Variants in IARS2 observed in about 807,000 individuals in gnomAD.
The protein encoded by IARS2 is isoleucine--tRNA ligase, mitochondrial.
In IARS2, 56 loss-of-function variants were observed where a neutral mutation model predicts 126.3. The observed-to-expected ratio is 0.44, with a 90% CI of 0.36 to 0.55. The LOEUF (loss-of-function observed/expected upper bound fraction) is 0.55. Ranked by LOEUF, IARS2 falls within the 20% of genes least tolerant of loss-of-function variation. IARS2 has a pLI of 0.00. For missense variants in IARS2, 1,127 were observed against 1,245.9 expected (o/e 0.90, Z 1.44); for synonymous variants, 407 against 441.1 (o/e 0.92, Z 0.97).
chr1:220,131,717 C>T (rs557964667), intron 14 of IARS2, among the ~76,000 whole-genome samples: 11 of 152,034 alleles, frequency 7.2e-5, no homozygotes, highest in Admixed American at 7.2e-4. Flanking sequence ...AACTCCTGAC[C>T]TCAAGGGATC....
intron 14 of IARS2, among the ~76,000 whole-genome samples, chr1:220,131,539 C>T (rs943175382): frequency 5.9e-5 from 9 of 152,002 alleles, no homozygotes; most frequent in East Asian, 3.9e-4. Flanking sequence ...TTAGTAGAGA[C>T]GGGGTTTCTC....
chr1:220,110,361 A>G (rs1422000237), intron 10 of IARS2, among the ~76,000 whole-genome samples: 1 of 147,802 alleles, frequency 6.8e-6, no homozygotes, highest in East Asian at 2.1e-4. Context: ...CGCCCAGCCA[A>G]GTTGACTACT....
intron 1 of IARS2, 114 bp from the exon 2 acceptor site, chr1:220,095,990 A>G (rs1413263116): frequency 4.8e-6 from 3 of 626,580 alleles, no homozygotes. Flanking sequence ...TTGGAATGGA[A>G]TAGATTGGAA....
rs758873067 is a variant in IARS2, at chr1:220,137,989, C to T, written c.2121C>T (p.Thr707=). 25 of 1,614,016 alleles carry T rather than the reference C, an allele frequency of 1.5e-5. No individual in the cohort carries two copies. The highest frequency in any genetic ancestry group is 4.5e-5 in the East Asian group (2 of 44,882). Residue 707 remains threonine, a synonymous_variant, in exon 17 of 23, where the codon ACC becomes ACT. Transcript: ENST00000366922. ...RWWVADSNVF[T]EVAIGPSVLN... ...GGGTAGCTGATTCCAATGTCTTCAC[C>T]GAAGTTGCAATTGGCCCATCCGTGC... is the stretch of plus-strand genomic sequence containing the variant.
chr1:220,114,606 G>T, intron 12 of IARS2, 132 bp downstream of exon 12: 1 of 635,640 alleles, frequency 1.6e-6, no homozygotes, highest in Non-Finnish European at 2.7e-6. Context: ...TCTTTTGGGG[G>T]ACTAAAATAT....
intron 12 of IARS2, among the ~76,000 whole-genome samples, chr1:220,118,514 G>A (rs1656973864): frequency 6.6e-6 from 1 of 151,934 alleles, no homozygotes; most frequent in African/African-American, 2.4e-5. Context: ...TTAGAATTTG[G>A]GTTGAAATCT....
At chr1:220,102,071 A>T in intron 3 of IARS2, 58 bp from the exon 4 acceptor site, 1 of 1,485,414 alleles carries the variant, frequency 6.7e-7, no homozygotes, top group South Asian at 1.2e-5. Flanking sequence ...ATGCTAAACC[A>T]TGTTTAAGAA....
rs1251807135 is a variant in IARS2, at chr1:220,094,234, C to T, written c.18C>T (p.Arg6=). 3.1e-6 allele frequency: 5 copies of T among 1,591,202 alleles called. No individual in the cohort carries two copies. The South Asian group carries it at 3.4e-5, about 11-fold the overall frequency. MRWGL[R]PRGPGAAALA... The stretch of plus-strand genomic sequence containing the variant: ...GCCGGACCATGCGTTGGGGGCTGCG[C>T]CCTCGCGGGCCGGGCGCGGCCGCCC... Residue 6 remains arginine (R), a synonymous_variant, in exon 1 of 23, where the codon CGC becomes CGT. Transcript: ENST00000366922.
intron 12 of IARS2, among the ~76,000 whole-genome samples, chr1:220,115,399 GA>G (rs1656894400): frequency 6.7e-6 from 1 of 149,972 alleles, no homozygotes; most frequent in Non-Finnish European, 1.5e-5. Flanking sequence ...CATCTCTACC[GA>G]AAATACAAAA....
In IARS2 at chr1:220,114,440, C is replaced by T; in HGVS notation, c.1606C>T (p.His536Tyr). ...TTGGGGTGTTCCAATTCCTGTGTTT[C>T]ATCATAAGACCAAGGATGAATACTT... ...RVWGVPIPVF[H>Y]HKTKDEYLIN... Residue 536 changes from histidine (H) to tyrosine (Y), a missense_variant, in exon 12 of 23, where the codon CAT becomes TAT. Transcript: ENST00000366922. The T allele has an allele frequency of 6.2e-7, 1 of 1,613,882 alleles. No homozygotes were observed. Among genetic ancestry groups the T allele is most frequent in the Non-Finnish European group, 8.5e-7 (1 of 1,179,878 alleles).
At position 220,094,292 on chromosome 1, in the gene IARS2, C is replaced by A. The variant is rs765440717; in HGVS notation, c.76C>A (p.Arg26Ser). 1.2e-6 allele frequency: 2 copies of A among 1,611,294 alleles called. No individual in the cohort carries two copies. The highest frequency in any genetic ancestry group is 4.5e-5 in the East Asian group (2 of 44,800). Residue 26 changes from arginine to serine, a missense_variant, in exon 1 of 23, where the codon CGC (arginine) becomes AGC (serine). Arg to Ser is a moderately radical substitution (Grantham distance 110). Coordinates refer to ENST00000366922, the MANE Select transcript of IARS2 (RefSeq NM_018060.4). ...ATARSLWGTP[R>S]LPCSPGWQGA... ...TGCCCGAAGTTTGTGGGGGACGCCC[C>A]GCCTTCCCTGCAGCCCGGGATGGCA...
At chr1:220,123,235 TAC>T (rs1480854868) in intron 12 of IARS2, among the ~76,000 whole-genome samples, 3 of 152,124 alleles carry the variant, frequency 2.0e-5, no homozygotes, top group Non-Finnish European at 4.4e-5. Flanking sequence ...AGGTAGTTAT[TAC>T]ATAAGGTTTT....
chr1:220,100,357 TA>T (rs1356212563), intron 2 of IARS2, 132 bp from the exon 3 acceptor site: 27 of 724,718 alleles, frequency 3.7e-5, no homozygotes, highest in East Asian at 5.8e-5. Context: ...GTATTAAGTT[TA>T]AAAAAAAGAA....
At chr1:220,108,507 T>G (rs929924420) in intron 10 of IARS2, among the ~76,000 whole-genome samples, 1 of 151,754 alleles carries the variant, frequency 6.6e-6, no homozygotes, top group Non-Finnish European at 1.5e-5. Context: ...TGCCTCAGTC[T>G]CTCGAGTAGC....
chr1:220,123,876 G>A (rs1287511600), intron 12 of IARS2, among the ~76,000 whole-genome samples: 2 of 152,170 alleles, frequency 1.3e-5, no homozygotes, highest in Admixed American at 6.5e-5. Context: ...CAGACCTGAC[G>A]TCAAATAATC....
chr1:220,136,634 CAAAA>C (rs775927970), intron 15 of IARS2, among the ~76,000 whole-genome samples, 171 bp from the exon 16 acceptor site: 1 of 63,122 alleles, frequency 1.6e-5, no homozygotes, highest in Non-Finnish European at 3.2e-5. Context: ...GACTCCATCT[CAAAA>C]AAAAAAAAAA....
chr1:220,103,320 T>G, intron 7 of IARS2, 127 bp from the exon 8 acceptor site: 2 of 607,110 alleles, frequency 3.3e-6, no homozygotes, highest in Non-Finnish European at 5.8e-6. Flanking sequence ...AGTGCTGGGA[T>G]TATAGACATG....
At chr1:220,141,526 A>G (rs1331781551) in intron 19 of IARS2, among the ~76,000 whole-genome samples, 3 of 152,190 alleles carry the variant, frequency 2.0e-5, no homozygotes, top group Non-Finnish European at 4.4e-5. Flanking sequence ...AATACCATCA[A>G]CTAACTTATT....
chr1:220,119,112 T>A (rs1571854123), intron 12 of IARS2, among the ~76,000 whole-genome samples: 1 of 152,252 alleles, frequency 6.6e-6, no homozygotes, highest in South Asian at 2.1e-4. Flanking sequence ...TTTAGTAATC[T>A]TAATGCTGCT....
Sources: allele counts gnomAD v4.1 joint callset (sites outside exome capture counted in the v4.1 genomes callset), GRCh38; gene constraint gnomAD v4.1.1; transcripts MANE v1.5; gene names NCBI Gene and HGNC (gene_info 2026-07-23, HGNC 2026-07-21).